Variants in NTRK3 observed in about 807,000 individuals in gnomAD.
The protein encoded by NTRK3 is NT-3 growth factor receptor.
Under a neutral mutation model 91.7 loss-of-function variants are expected in NTRK3, and 24 were observed. The observed-to-expected ratio is 0.26, with a 90% CI of 0.19 to 0.37. The LOEUF is 0.37. Among genes scored for constraint, NTRK3 ranks in the 10% least tolerant of loss-of-function variants. NTRK3 has a pLI of 1.00. For synonymous variants in NTRK3, 483 were observed against 404.0 expected (o/e 1.20, Z -2.34); for missense variants, 880 against 1,068.9 (o/e 0.82, Z 2.46).
chr15:88,080,195 C>A (rs2047921173), intron 13 of NTRK3, among the ~76,000 whole-genome samples: 1 of 152,188 alleles, frequency 6.6e-6, no homozygotes, highest in African/African-American at 2.4e-5. Context: ...GTGGCCATCT[C>A]TGATTATTTC....
Position 88,252,340 on chromosome 15 carries a change from C to T in NTRK3, c.248+3566G>A, listed in dbSNP as rs117007977. Among the ~76,000 whole-genome samples the T allele has an allele frequency of 3.2e-3, 494 of 152,162 alleles. 2 individuals carry two copies. Among genetic ancestry groups the T allele is most frequent in the Admixed American group, 4.8e-3 (73 of 15,292 alleles). Reference sequence around the variant, plus strand: ...AGGAGCCAACATGACGGCCAAAGCCCCGAATGATCCTTCAGCCAGCCAGAA... The same window carrying T: ...AGGAGCCAACATGACGGCCAAAGCCTCGAATGATCCTTCAGCCAGCCAGAA... On this transcript the variant is annotated intron_variant, in intron 3 of 18. Coordinates refer to ENST00000394480, the Ensembl canonical transcript of NTRK3.
In NTRK3 at chr15:87,859,786, C is replaced by G. The variant is rs1002271444; in HGVS notation, c.*17149G>C. 9 of 176,230 alleles carry G rather than the reference C, an allele frequency of 5.1e-5. 1 individual carries two copies. The highest frequency in any genetic ancestry group is 3.7e-5 in the Non-Finnish European group (3 of 81,774). 10.9% of individuals were successfully genotyped at this position (176,230 alleles called of 1,614,324 possible). On this transcript the variant is annotated 3_prime_UTR_variant, in exon 19 of 19. Transcript: ENST00000394480. The stretch of plus-strand genomic sequence containing the variant: ...ATACTTTATTTGAGAAGAGACCCTA[C>G]ATAAACTATGTCAGGAGGATACAGG...
intron 10 of NTRK3, among the ~76,000 whole-genome samples, chr15:88,130,766 G>C (rs1384555848): frequency 6.6e-6 from 1 of 152,236 alleles, no homozygotes; most frequent in Non-Finnish European, 1.5e-5. Flanking sequence ...CAGATTTAAA[G>C]AGAGTGAGAT....
At chr15:88,000,362 G>A (rs973586860) in intron 14 of NTRK3, among the ~76,000 whole-genome samples, 1 of 152,152 alleles carries the variant, frequency 6.6e-6, no homozygotes, top group African/African-American at 2.4e-5. Context: ...TCTTCCAATA[G>A]GGCAGTGTAT....
chr15:88,063,843 A>T (rs1490339119), intron 13 of NTRK3, among the ~76,000 whole-genome samples: 1 of 152,272 alleles, frequency 6.6e-6, no homozygotes, highest in African/African-American at 2.4e-5. Flanking sequence ...CTCAGAAGAA[A>T]CAGATGAATT....
At chr15:87,977,202 C>T (rs1319836253) in intron 14 of NTRK3, among the ~76,000 whole-genome samples, 1 of 152,182 alleles carries the variant, frequency 6.6e-6, no homozygotes, top group Non-Finnish European at 1.5e-5. Context: ...TCAATGAAAG[C>T]AACCAATGGA....
chr15:88,034,340 C>T (rs2078881652), intron 13 of NTRK3, among the ~76,000 whole-genome samples: 1 of 152,208 alleles, frequency 6.6e-6, no homozygotes, highest in South Asian at 2.1e-4. Flanking sequence ...CCACTTCTTT[C>T]TAACCCAAAG....
intron 17 of NTRK3, among the ~76,000 whole-genome samples, chr15:87,912,923 T>TTAAA (rs1248515447): frequency 2.5e-5 from 1 of 39,794 alleles, no homozygotes; most frequent in Non-Finnish European, 4.3e-5. Flanking sequence ...TTTCAAAAAG[T>TTAAA]AAAAAAAAAT....
chr15:88,206,955 C>G (rs904424733), intron 3 of NTRK3, among the ~76,000 whole-genome samples: 1 of 152,194 alleles, frequency 6.6e-6, no homozygotes, highest in Non-Finnish European at 1.5e-5. Flanking sequence ...TGTGCTTCCT[C>G]AGGGACCCCC....
intron 3 of NTRK3, among the ~76,000 whole-genome samples, chr15:88,251,674 G>GCCCT (rs2053392921): frequency 6.6e-6 from 1 of 152,236 alleles, no homozygotes; most frequent in Non-Finnish European, 1.5e-5. Flanking sequence ...CTGAGTTGGG[G>GCCCT]CCCTGGTCCT....
chr15:88,026,510 G>T (rs530077042), intron 14 of NTRK3, among the ~76,000 whole-genome samples: 1 of 152,116 alleles, frequency 6.6e-6, no homozygotes, highest in Non-Finnish European at 1.5e-5. Context: ...GGAGGACAGC[G>T]GACATTTTGG....
intron 13 of NTRK3, among the ~76,000 whole-genome samples, chr15:88,085,084 T>C (rs987797038): frequency 6.6e-6 from 1 of 152,170 alleles, no homozygotes; most frequent in Non-Finnish European, 1.5e-5. Flanking sequence ...ATAGCCAATG[T>C]CAAATAAAAC....
At chr15:88,228,308 T>C (rs2050860546) in intron 3 of NTRK3, among the ~76,000 whole-genome samples, 1 of 152,036 alleles carries the variant, frequency 6.6e-6, no homozygotes, top group Non-Finnish European at 1.5e-5. Context: ...TTTTCATCCC[T>C]CCATCTGGAG....
At chr15:87,900,431 T>G (rs1158638957) in intron 17 of NTRK3, among the ~76,000 whole-genome samples, 1 of 152,172 alleles carries the variant, frequency 6.6e-6, no homozygotes, top group South Asian at 2.1e-4. Flanking sequence ...GGATTCAGAC[T>G]CAGGTCATCT....
intron 6 of NTRK3, among the ~76,000 whole-genome samples, chr15:88,140,793 G>C (rs554768560): frequency 6.6e-6 from 1 of 152,126 alleles, no homozygotes; most frequent in South Asian, 2.1e-4. Context: ...AGGTCTTAGG[G>C]CCCCCCCAGG....
chr15:87,896,990 T>C (rs1400067009), intron 17 of NTRK3, among the ~76,000 whole-genome samples: 1 of 152,192 alleles, frequency 6.6e-6, no homozygotes, highest in African/African-American at 2.4e-5. Context: ...GACATCATTA[T>C]AGTATTGCTC....
chr15:87,909,909 C>A lies in NTRK3; in HGVS notation c.2133+19282G>T, dbSNP rs371633104. ...ACCCTGTTGGCACCTTGGTCTTGAA[C>A]TTCCAGCCTCCAGAGCAGTGAGAAA... is the stretch of plus-strand genomic sequence containing the variant. On this transcript the variant is annotated intron_variant, in intron 17 of 18. Transcript: ENST00000394480. 3.3e-5 allele frequency among the ~76,000 whole-genome samples: 5 copies of A among 152,334 alleles called. No homozygotes were observed. The East Asian group carries it at 5.8e-4, about 18-fold the overall frequency.
At chr15:88,179,288 A>C (rs1449557719) in intron 5 of NTRK3, among the ~76,000 whole-genome samples, 1 of 152,208 alleles carries the variant, frequency 6.6e-6, no homozygotes, top group East Asian at 1.9e-4. Flanking sequence ...GCTTCTGTGA[A>C]AAAACATTGC....
At chr15:87,884,862 G>A (rs527965363) in intron 17 of NTRK3, among the ~76,000 whole-genome samples, 21 of 151,714 alleles carry the variant, frequency 1.4e-4, no homozygotes, top group African/African-American at 4.3e-4. Flanking sequence ...CTGACAAAAC[G>A]TTAGGAAAAT....
Sources: gnomAD v4.1 joint callset for allele counts (sites outside exome capture counted in the v4.1 genomes callset) on GRCh38, gnomAD v4.1.1 for gene constraint, MANE v1.5 for transcripts, NCBI Gene and HGNC (gene_info 2026-07-23, HGNC 2026-07-21) for gene names.